CREBBP: variants seen among roughly 807,000 people sequenced by gnomAD.
The protein encoded by CREBBP is CREB binding lysine acetyltransferase.
In CREBBP, 19 loss-of-function variants were observed where a neutral mutation model predicts 265.0. The ratio of observed to expected loss-of-function variants is 0.07; its 90% CI spans 0.05 to 0.11. CREBBP has a LOEUF of 0.11. Ranked by LOEUF, CREBBP falls within the 10% of genes least tolerant of loss-of-function variation. The probability of loss-of-function intolerance (pLI) is 1.00; values close to 1 mark genes in which losing one functional copy is unlikely to be tolerated. For missense variants in CREBBP, 2,525 were observed against 3,219.0 expected (o/e 0.78, Z 5.22); for synonymous variants, 1,457 against 1,223.7 (o/e 1.19, Z -3.98).
Position 3,726,647 on chromosome 16 carries a change from CAT to C in CREBBP, c.*1069_*1070del, listed in dbSNP as rs1267673958. ...TACAGGGATCTTAAAGAACAGAATA[CAT>C]GTTAAAAACCTCAGTAATTTATATC... On this transcript the variant is annotated 3_prime_UTR_variant, in exon 31 of 31. Transcript: ENST00000262367. The C allele has an allele frequency of 4.3e-6, 1 of 233,500 alleles. No homozygotes were observed. Among genetic ancestry groups the C allele is most frequent in the Non-Finnish European group, 8.5e-6 (1 of 118,028 alleles). 14.5% of individuals were successfully genotyped at this position (233,500 alleles called of 1,614,324 possible). A position where few individuals can be genotyped will look rare whatever the true frequency, so the allele number is the denominator to read the frequency against.
intron 1 of CREBBP, among the ~76,000 whole-genome samples, chr16:3,874,430 A>G (rs1567381330): frequency 1.3e-5 from 2 of 152,222 alleles, no homozygotes; most frequent in Non-Finnish European, 2.9e-5. Flanking sequence ...TATATCAGTC[A>G]CCAAATTGCA....
chr16:3,792,139 G>A (rs773842389), intron 4 of CREBBP, 45 bp from the exon 5 acceptor site: 7 of 1,442,760 alleles, frequency 4.9e-6, no homozygotes, highest in South Asian at 1.1e-5. Context: ...TATCCAAATC[G>A]TCACACTTTC....
intron 26 of CREBBP, among the ~76,000 whole-genome samples, chr16:3,737,263 T>G (rs962076170): frequency 6.6e-6 from 1 of 152,080 alleles, no homozygotes; most frequent in Non-Finnish European, 1.5e-5. Context: ...CAGAAGGGAA[T>G]GGGGCAGGTC....
intron 19 of CREBBP, among the ~76,000 whole-genome samples, chr16:3,756,128 T>C (rs553100961): frequency 2.0e-5 from 3 of 151,566 alleles, no homozygotes; most frequent in South Asian, 2.1e-4. Context: ...CTTTGAAGTA[T>C]AGGACATAAT....
chr16:3,745,433 T>TCCA, intron 21 of CREBBP, 79 bp from the exon 22 acceptor site: 1 of 1,278,480 alleles, frequency 7.8e-7, no homozygotes, highest in South Asian at 1.2e-5. Context: ...TGTGTGTGCG[T>TCCA]CCACACCTTG....
At chr16:3,809,338 C>T (rs976245252) in intron 3 of CREBBP, among the ~76,000 whole-genome samples, 7 of 152,122 alleles carry the variant, frequency 4.6e-5, no homozygotes, top group South Asian at 2.1e-4. Flanking sequence ...CCACCATGCC[C>T]GGCTAATTTT....
intron 2 of CREBBP, among the ~76,000 whole-genome samples, chr16:3,824,961 T>C (rs1212924646): frequency 6.6e-6 from 1 of 152,200 alleles, no homozygotes; most frequent in Non-Finnish European, 1.5e-5. Context: ...TTAAATGGGA[T>C]AGCACATGGG....
chr16:3,779,558 C>T (rs2053225862), intron 8 of CREBBP, among the ~76,000 whole-genome samples: 1 of 152,138 alleles, frequency 6.6e-6, no homozygotes, highest in Non-Finnish European at 1.5e-5. Flanking sequence ...GAGAGAAATG[C>T]CAAGCCTCTC....
chr16:3,735,119 C>G (rs548617699), intron 28 of CREBBP, among the ~76,000 whole-genome samples: 1 of 152,186 alleles, frequency 6.6e-6, no homozygotes, highest in Non-Finnish European at 1.5e-5. Flanking sequence ...CTCCTCCCAC[C>G]GCCTGGCGGG....
At chr16:3,829,586 A>C (rs933400487) in intron 2 of CREBBP, among the ~76,000 whole-genome samples, 1 of 152,180 alleles carries the variant, frequency 6.6e-6, no homozygotes, top group African/African-American at 2.4e-5. Context: ...CAGGAATTAA[A>C]CTGAGACCCC....
rs146527448 is a variant in CREBBP, at chr16:3,810,856, A to C, written c.799-77T>G. 60 of 1,439,790 alleles carry C rather than the reference A, an allele frequency of 4.2e-5. No homozygotes were observed. The African/African-American group carries it at 6.0e-4, about 14-fold the overall frequency. The allele number at this position is 1,439,790 out of a possible 1,614,324, so 89.2% of individuals were successfully genotyped here. On this transcript the variant is annotated intron_variant, in intron 2 of 30. Coordinates refer to ENST00000262367, the MANE Select transcript of CREBBP (RefSeq NM_004380.3). ...GGAAGGGCCTGGGAAATGCTCACAC[A>C]GTTTCCTATGAAATACTCATTGCAA... is the stretch of plus-strand genomic sequence containing the variant.
In CREBBP at chr16:3,739,586, T is replaced by G; in HGVS notation, c.4272A>C (p.Pro1424=). The part of the protein sequence containing the change: ...VQEYGSDCPP[P]NTRRVYISYL... Reference sequence around the variant, plus strand: ...AGGAGCTGGAAAACTACCTCGTGTTTGGAGGGGGGCAATCAGAGCCGTATT... The same window carrying G: ...AGGAGCTGGAAAACTACCTCGTGTTGGGAGGGGGGCAATCAGAGCCGTATT... Residue 1424 remains proline (P), a synonymous_variant, in exon 25 of 31, where the codon CCA becomes CCC. Transcript: ENST00000262367. 1 of 1,614,152 alleles carries G rather than the reference T, an allele frequency of 6.2e-7. No individual in the cohort carries two copies. The highest frequency in any genetic ancestry group is 1.1e-5 in the South Asian group (1 of 91,088).
intron 14 of CREBBP, among the ~76,000 whole-genome samples, chr16:3,770,145 C>T (rs1430041428): frequency 2.0e-5 from 3 of 152,148 alleles, no homozygotes; most frequent in South Asian, 2.1e-4. Context: ...AGTGGGATTA[C>T]AGGCGTGAAC....
At position 3,850,582 on chromosome 16, in the gene CREBBP, A is replaced by G; in HGVS notation, c.513T>C (p.Thr171=). The change falls in exon 2 of 31, where the codon ACT becomes ACC. Residue 171 remains threonine, a synonymous_variant. Coordinates refer to ENST00000262367, the MANE Select transcript of CREBBP (RefSeq NM_004380.3). ...LATSSPATSQ[T]GPGICMNANF... ...TAGCATTCATGCAGATACCAGGTCCAGTCTGTGACGTGGCAGGGCTGCTAG... is the reference window on the plus strand; with the variant it reads ...TAGCATTCATGCAGATACCAGGTCCGGTCTGTGACGTGGCAGGGCTGCTAG... 6.2e-7 allele frequency: 1 copy of G among 1,614,262 alleles called. No individual in the cohort carries two copies. The highest frequency in any genetic ancestry group is 8.5e-7 in the Non-Finnish European group (1 of 1,180,048).
intron 1 of CREBBP, among the ~76,000 whole-genome samples, chr16:3,867,266 G>A (rs535769792): frequency 1.3e-5 from 2 of 152,278 alleles, no homozygotes; most frequent in East Asian, 3.9e-4. Flanking sequence ...TCTTTGAGAT[G>A]ACATGGAATT....
chr16:3,850,823 G>T lies in CREBBP; in HGVS notation c.272C>A (p.Ala91Asp). ...CAGGCCCTGCTGCACGGGGCTGCTG[G>T]CGCTCACATTTCCTATTCCTGGGTT... Reference protein sequence around the residue: ...SINPGIGNVSASSPVQQGLGG... With the variant: ...SINPGIGNVSDSSPVQQGLGG... The change falls in exon 2 of 31, where the codon GCC (alanine) becomes GAC (aspartate). Residue 91 changes from alanine to aspartate, a missense_variant. Around this residue, in one of 19 missense-constraint regions of CREBBP, gnomAD observed 356 missense variants for 340.4 expected, o/e 1.05. Coordinates refer to ENST00000262367, the MANE Select transcript of CREBBP (RefSeq NM_004380.3). The T allele has an allele frequency of 6.2e-7, 1 of 1,614,134 alleles. No homozygotes were observed. Among genetic ancestry groups the T allele is most frequent in the Non-Finnish European group, 8.5e-7 (1 of 1,180,034 alleles).
chr16:3,727,850 G>A lies in CREBBP; in HGVS notation c.7197C>T (p.His2399=), dbSNP rs375864984. 67 of 1,614,044 alleles carry A rather than the reference G, an allele frequency of 4.2e-5. No homozygotes were observed. The highest frequency in any genetic ancestry group is 5.6e-5 in the Non-Finnish European group (66 of 1,180,054). The change falls in exon 31 of 31, where the codon CAC becomes CAT. Residue 2399 remains histidine, a synonymous_variant. Transcript: ENST00000262367. ...VTMASSIDQG[H]LGNPEQSAML... The stretch of plus-strand genomic sequence containing the variant: ...TTGCACTCTGTTCGGGGTTCCCCAA[G>A]TGTCCCTGATCTATGGAGCTGGCCA...
chr16:3,774,840 A>T, intron 11 of CREBBP, 147 bp from the exon 12 acceptor site: 1 of 1,077,936 alleles, frequency 9.3e-7, no homozygotes, highest in African/African-American at 1.6e-5. Context: ...ATCAATGAAG[A>T]TGATGAAGGA....
chr16:3,780,572 T>C (rs1182321836), intron 8 of CREBBP, among the ~76,000 whole-genome samples, 160 bp downstream of exon 8: 1 of 152,200 alleles, frequency 6.6e-6, no homozygotes, highest in African/African-American at 2.4e-5. Flanking sequence ...TGTGGGAATC[T>C]CTGGCCTGCC....
Sources: allele counts gnomAD v4.1 joint callset (sites outside exome capture counted in the v4.1 genomes callset), GRCh38; gene constraint gnomAD v4.1.1; regional missense constraint gnomAD v4.1.1; transcripts MANE v1.5; gene names NCBI Gene and HGNC (gene_info 2026-07-23, HGNC 2026-07-21).